The following SEMA5B variants were observed in gnomAD, a reference collection of about 807,000 sequenced individuals.
SEMA5B encodes semaphorin 5B.
Under a neutral mutation model 135.0 loss-of-function variants are expected in SEMA5B, and 66 were observed. The observed-to-expected ratio is 0.49, with a 90% CI of 0.40 to 0.60. SEMA5B has a LOEUF of 0.60. SEMA5B is among the 20% of genes least tolerant of loss of function. SEMA5B has a pLI of 0.00. For missense variants in SEMA5B, 1,501 were observed against 1,566.3 expected, an observed-to-expected ratio of 0.96 and a Z score of 0.70; for synonymous variants, 690 against 639.5, an observed-to-expected ratio of 1.08 and a Z score of -1.19.
intron 1 of SEMA5B, among the ~76,000 whole-genome samples, chr3:122,981,580 C>G (rs143589100): frequency 6.6e-6 from 1 of 152,326 alleles, no homozygotes; most frequent in African/African-American, 2.4e-5. Context: ...CTCTTCTCAA[C>G]GAACTCCTGA....
Position 122,928,042 on chromosome 3 carries a change from G to A in SEMA5B, c.637-39C>T, listed in dbSNP as rs778906181. The A allele has an allele frequency of 2.2e-6, 3 of 1,384,150 alleles. No individual in the cohort carries two copies. The African/African-American group carries it at 4.4e-5, about 21-fold the overall frequency. The allele number at this position is 1,384,150 out of a possible 1,614,324, so 85.7% of individuals were successfully genotyped here. The stretch of plus-strand genomic sequence containing the variant: ...GGAGAAGGGGACACTTTTCCCTGAG[G>A]CCCTGGGGCTGCCTGTTCTTTCCAT... On this transcript the variant is annotated intron_variant, in intron 7 of 22. Coordinates refer to ENST00000357599, the MANE Select transcript of SEMA5B (RefSeq NM_001031702.4).
chr3:123,025,740 C>A (rs981850214), intron 1 of SEMA5B, among the ~76,000 whole-genome samples: 1 of 152,216 alleles, frequency 6.6e-6, no homozygotes, highest in Non-Finnish European at 1.5e-5. Flanking sequence ...GGTCTACCCC[C>A]ACGCCCCAAG....
In SEMA5B at chr3:123,025,218, T is replaced by A. The variant is rs112835786; in HGVS notation, c.-39+2246A>T. 7.7e-3 allele frequency among the ~76,000 whole-genome samples: 1,175 copies of A among 152,332 alleles called. 16 individuals carry two copies. Among genetic ancestry groups the A allele is most frequent in the African/African-American group, 0.027 (1,106 of 41,580 alleles). On this transcript the variant is annotated intron_variant, in intron 1 of 22. Transcript: ENST00000357599. The stretch of plus-strand genomic sequence containing the variant: ...CCCTAGTGGGAAAGGAGGTGCTGGC[T>A]GTCCTATCTCAGGGCAGAGTCAATA...
At chr3:122,965,510 T>C (rs1410221485) in intron 1 of SEMA5B, among the ~76,000 whole-genome samples, 1 of 152,216 alleles carries the variant, frequency 6.6e-6, no homozygotes, top group East Asian at 1.9e-4. Flanking sequence ...TCTTGAGCTA[T>C]AGCAGCCCTG....
intron 1 of SEMA5B, among the ~76,000 whole-genome samples, chr3:123,016,735 TG>T (rs146615336): frequency 0.042 from 6,357 of 151,556 alleles, 160 homozygotes; most frequent in South Asian, 0.073. Flanking sequence ...ACACCATACC[TG>T]GCTAATTTAA....
At chr3:122,937,999 G>A (rs911746458) in intron 5 of SEMA5B, among the ~76,000 whole-genome samples, 1 of 152,182 alleles carries the variant, frequency 6.6e-6, no homozygotes, top group Non-Finnish European at 1.5e-5. Context: ...ATGGAAACTA[G>A]GCTCTGGACT....
At chr3:122,928,809 G>A (rs565219463) in intron 6 of SEMA5B, among the ~76,000 whole-genome samples, 187 bp downstream of exon 6, 2 of 152,292 alleles carry the variant, frequency 1.3e-5, no homozygotes, top group Admixed American at 6.5e-5. Flanking sequence ...CCGCATCACT[G>A]CTCACTCAGA....
intron 1 of SEMA5B, among the ~76,000 whole-genome samples, chr3:123,016,483 C>T (rs181158584): frequency 1.1e-4 from 16 of 152,254 alleles, no homozygotes; most frequent in Non-Finnish European, 1.3e-4. Flanking sequence ...GTAAGTACTA[C>T]GTAAATAGTT....
intron 5 of SEMA5B, among the ~76,000 whole-genome samples, chr3:122,934,008 A>G (rs953846386): frequency 6.7e-6 from 1 of 149,890 alleles, no homozygotes; most frequent in Non-Finnish European, 1.5e-5. Flanking sequence ...CCCAGGTTCA[A>G]GTGATTCTCC....
intron 10 of SEMA5B, 96 bp downstream of exon 10, chr3:122,923,521 G>A (rs1938476259): frequency 7.1e-7 from 1 of 1,401,586 alleles, no homozygotes; most frequent in African/African-American, 1.4e-5. Context: ...CGGGTCTGGT[G>A]TCTGTCTGTG....
intron 12 of SEMA5B, among the ~76,000 whole-genome samples, chr3:122,920,266 G>A (rs901534569): frequency 1.3e-5 from 2 of 152,172 alleles, no homozygotes; most frequent in South Asian, 2.1e-4. Flanking sequence ...CTCCTCTCAC[G>A]CCAAAGAGTC....
At chr3:122,992,311 G>T (rs1439134507) in intron 1 of SEMA5B, among the ~76,000 whole-genome samples, 2 of 152,232 alleles carry the variant, frequency 1.3e-5, no homozygotes, top group Non-Finnish European at 2.9e-5. Flanking sequence ...ACTTTTCAAT[G>T]GCTCCAGGAC....
At chr3:122,966,325 G>C (rs540577762) in intron 1 of SEMA5B, among the ~76,000 whole-genome samples, 1 of 152,214 alleles carries the variant, frequency 6.6e-6, no homozygotes, top group African/African-American at 2.4e-5. Context: ...TGCTTTGGAG[G>C]GTGCAAAGAG....
intron 1 of SEMA5B, among the ~76,000 whole-genome samples, chr3:122,968,245 T>C (rs1387319714): frequency 2.6e-5 from 4 of 152,234 alleles, no homozygotes; most frequent in African/African-American, 9.6e-5. Flanking sequence ...CACAGTTTAA[T>C]TTGGATTATA....
At chr3:122,976,123 T>A (rs1294057807) in intron 1 of SEMA5B, 1 of 1,535,398 alleles carries the variant, frequency 6.5e-7, no homozygotes, top group African/African-American at 1.4e-5. Flanking sequence ...AGATGCAGCA[T>A]GTGGTTTATA....
rs1379523173 is a variant in SEMA5B at position 122,913,203 on chromosome 3, G to T, written c.2502C>A (p.Thr834=). The T allele has an allele frequency of 1.3e-6, 2 of 1,562,086 alleles. No homozygotes were observed. Among genetic ancestry groups the T allele is most frequent in the Non-Finnish European group, 8.6e-7 (1 of 1,163,896 alleles). The change falls in exon 17 of 23, where the codon ACC becomes ACA. Residue 834 remains threonine (T), a synonymous_variant. Transcript: ENST00000357599. Reference sequence around the variant, plus strand: ...GGGGCGCCGGGCGCGGGGTACCGTCGGTGTCGCAGGAGCCGGAGCCGTCCG... The same window carrying T: ...GGGGCGCCGGGCGCGGGGTACCGTCTGTGTCGCAGGAGCCGGAGCCGTCCG... ...CPADGSGSCD[T]DALVEVLLRS...
intron 1 of SEMA5B, among the ~76,000 whole-genome samples, chr3:123,025,224 A>G (rs964291203): frequency 1.3e-5 from 2 of 152,154 alleles, no homozygotes; most frequent in African/African-American, 4.8e-5. Context: ...TGGCTGTCCT[A>G]TCTCAGGGCA....
chr3:122,931,317 C>T (rs150089282), intron 5 of SEMA5B, among the ~76,000 whole-genome samples: 51 of 152,098 alleles, frequency 3.4e-4, no homozygotes, highest in African/African-American at 1.2e-3. Flanking sequence ...CGTTCTTCCC[C>T]GCACCAAAGC....
At chr3:122,959,114 CTAAG>C (rs1396305253) in intron 2 of SEMA5B, among the ~76,000 whole-genome samples, 1 of 152,168 alleles carries the variant, frequency 6.6e-6, no homozygotes, top group African/African-American at 2.4e-5. Flanking sequence ...GCGGCAGAGA[CTAAG>C]TAATAGTAGG....
Sources: allele counts gnomAD v4.1 joint callset (sites outside exome capture counted in the v4.1 genomes callset), GRCh38; gene constraint gnomAD v4.1.1; transcripts MANE v1.5; gene names NCBI Gene and HGNC (gene_info 2026-07-23, HGNC 2026-07-21).